The following NALF1 variants were observed in gnomAD, a reference collection of about 807,000 sequenced individuals.
NALF1 encodes the protein family with sequence similarity 155 member A.
A neutral mutation model predicts 48.4 loss-of-function variants in NALF1; 3 were observed. The ratio of observed to expected loss-of-function variants is 0.06; its 90% CI spans 0.03 to 0.16. The LOEUF is 0.16. Ranked by LOEUF, NALF1 falls within the 10% of genes least tolerant of loss-of-function variation. NALF1 has a pLI of 1.00. For synonymous variants in NALF1, 262 were observed against 245.7 expected (o/e 1.07, Z -0.62); for missense variants, 526 against 571.5 (o/e 0.92, Z 0.81).
chr13:107,517,984 A>G (rs1318676775), intron 1 of NALF1, among the ~76,000 whole-genome samples: 2 of 152,124 alleles, frequency 1.3e-5, no homozygotes, highest in African/African-American at 2.4e-5. Context: ...CGTAAGCTCA[A>G]AAACGTAGTT....
chr13:107,240,356 T>G (rs1473165846), intron 1 of NALF1, among the ~76,000 whole-genome samples: 1 of 152,190 alleles, frequency 6.6e-6, no homozygotes, highest in Non-Finnish European at 1.5e-5. Flanking sequence ...CAACCCAGTT[T>G]CTGGTAGATT....
chr13:107,766,821 C>T (rs1490034017), intron 1 of NALF1, among the ~76,000 whole-genome samples: 1 of 152,194 alleles, frequency 6.6e-6, no homozygotes, highest in Non-Finnish European at 1.5e-5. Context: ...TGGACTCCTA[C>T]TTCAGTCTTT....
intron 1 of NALF1, among the ~76,000 whole-genome samples, chr13:107,313,118 A>C (rs1474050690): frequency 6.6e-6 from 1 of 152,172 alleles, no homozygotes; most frequent in Admixed American, 6.6e-5. Context: ...AATCTCTAGA[A>C]AGCAACAAAG....
intron 1 of NALF1, among the ~76,000 whole-genome samples, chr13:107,242,301 T>C (rs115962476): frequency 0.029 from 4,480 of 152,238 alleles, 211 homozygotes; most frequent in African/African-American, 0.1. Flanking sequence ...AGTGCGGCCA[T>C]AGAAGCTGGG....
Position 107,785,815 on chromosome 13 carries a change from GAAT to G in NALF1, c.915+79864_915+79866del, listed in dbSNP as rs1316246543. 2.6e-5 allele frequency among the ~76,000 whole-genome samples: 4 copies of G among 152,190 alleles called. No individual in the cohort carries two copies. The East Asian group carries it at 5.8e-4, about 22-fold the overall frequency. On this transcript the variant is annotated intron_variant, in intron 1 of 2. Coordinates refer to ENST00000375915, the MANE Select transcript of NALF1 (RefSeq NM_001080396.3). The stretch of plus-strand genomic sequence containing the variant: ...TGGTTCTCAAACCTACAGAAACAAA[GAAT>G]AATTTTCTGTAATCCTGGTGAACGT...
In NALF1 at chr13:107,526,896, G is replaced by A. The variant is rs141189037; in HGVS notation, c.916-316141C>T. ...TCAGACATGAGACAGCTTGGAAAGC[G>A]TTTGTCTACTAATGACAGGATGAAA... is the stretch of plus-strand genomic sequence containing the variant. On this transcript the variant is annotated intron_variant, in intron 1 of 2. Transcript: ENST00000375915. 5.3e-3 allele frequency among the ~76,000 whole-genome samples: 807 copies of A among 152,240 alleles called. 7 individuals carry two copies. The highest frequency in any genetic ancestry group is 0.018 in the African/African-American group (756 of 41,542).
At chr13:107,712,952 T>C (rs1279812812) in intron 1 of NALF1, among the ~76,000 whole-genome samples, 1 of 152,204 alleles carries the variant, frequency 6.6e-6, no homozygotes, top group East Asian at 1.9e-4. Context: ...TTTCCACCTG[T>C]CTGGAGGTGG....
chr13:107,754,618 TG>T (rs1316165366), intron 1 of NALF1, among the ~76,000 whole-genome samples: 1 of 152,028 alleles, frequency 6.6e-6, no homozygotes, highest in Non-Finnish European at 1.5e-5. Flanking sequence ...TGTCAGCACA[TG>T]AGTTTAAAGA....
intron 1 of NALF1, among the ~76,000 whole-genome samples, chr13:107,687,004 T>C (rs1881447036): frequency 6.6e-6 from 1 of 152,230 alleles, no homozygotes; most frequent in African/African-American, 2.4e-5. Context: ...TGCAATCCTA[T>C]GTTTATTGCA....
chr13:107,315,289 T>C (rs1882124729), intron 1 of NALF1, among the ~76,000 whole-genome samples: 1 of 152,080 alleles, frequency 6.6e-6, no homozygotes, highest in African/African-American at 2.4e-5. Flanking sequence ...TTCACTCTTA[T>C]CCCTCTGAGC....
Position 107,403,722 on chromosome 13 carries a change from T to TAA in NALF1, c.916-192968_916-192967insTT, listed in dbSNP as rs140714156. On this transcript the variant is annotated intron_variant, in intron 1 of 2. Coordinates refer to ENST00000375915, the MANE Select transcript of NALF1 (RefSeq NM_001080396.3). ...AGAAGGCCTTCTTTTGCCACAAATT[T>TAA]TAAAAAAAAACTCACCTTTTTTAGA... 2.6e-3 allele frequency among the ~76,000 whole-genome samples: 384 copies of TAA among 150,578 alleles called. 2 individuals are homozygous for TAA. The highest frequency in any genetic ancestry group is 7.8e-3 in the African/African-American group (319 of 41,084).
Position 107,224,108 on chromosome 13 carries a change from C to A in NALF1, c.916-13353G>T, listed in dbSNP as rs377744141. Among the ~76,000 whole-genome samples the A allele has an allele frequency of 8.6e-5, 13 of 151,976 alleles. 1 individual carries two copies. The highest frequency in any genetic ancestry group is 1.3e-4 in the Non-Finnish European group (9 of 67,954). The stretch of plus-strand genomic sequence containing the variant: ...TGAAAACTATAATCAATGGAATTAA[C>A]AATCCTTAATAATAAAATTGGTGGT... On this transcript the variant is annotated intron_variant, in intron 1 of 2. Transcript: ENST00000375915.
At chr13:107,569,284 A>G (rs1877908917) in intron 1 of NALF1, among the ~76,000 whole-genome samples, 1 of 151,934 alleles carries the variant, frequency 6.6e-6, no homozygotes, top group South Asian at 2.1e-4. Context: ...CCTGGCCAAC[A>G]CGGTGAAACC....
intron 1 of NALF1, among the ~76,000 whole-genome samples, chr13:107,395,031 A>C (rs1361558794): frequency 6.6e-6 from 1 of 152,182 alleles, no homozygotes; most frequent in African/African-American, 2.4e-5. Flanking sequence ...AGATGCTAGG[A>C]GAGAGATGAC....
At chr13:107,772,566 T>G (rs896928810) in intron 1 of NALF1, among the ~76,000 whole-genome samples, 1 of 152,176 alleles carries the variant, frequency 6.6e-6, no homozygotes, top group Non-Finnish European at 1.5e-5. Flanking sequence ...AAAAAGTCCC[T>G]AATTAAGAAT....
chr13:107,281,935 T>C (rs549443974), intron 1 of NALF1, among the ~76,000 whole-genome samples: 2 of 152,286 alleles, frequency 1.3e-5, no homozygotes, highest in South Asian at 4.1e-4. Context: ...TTCAATTACA[T>C]CCACCTGGTC....
intron 1 of NALF1, among the ~76,000 whole-genome samples, chr13:107,583,223 A>C (rs1032262176): frequency 1.4e-4 from 21 of 152,030 alleles, no homozygotes; most frequent in African/African-American, 4.1e-4. Context: ...TGTTATATAA[A>C]TATATAATTT....
In NALF1 at chr13:107,587,654, A is replaced by T. The variant is rs181894051; in HGVS notation, c.915+278028T>A. On this transcript the variant is annotated intron_variant, in intron 1 of 2. Coordinates refer to ENST00000375915, the MANE Select transcript of NALF1 (RefSeq NM_001080396.3). ...GAAAAAGGGATTACCAGGTGATTTT[A>T]AAAAAAGTCAATAACATGGGCAGTC... Among the ~76,000 whole-genome samples the T allele has an allele frequency of 3.3e-3, 504 of 152,264 alleles. 2 individuals carry two copies. The highest frequency in any genetic ancestry group is 0.02 in the Middle Eastern group (6 of 294).
intron 1 of NALF1, among the ~76,000 whole-genome samples, chr13:107,213,679 G>A (rs948690823): frequency 6.6e-6 from 1 of 150,934 alleles, no homozygotes; most frequent in Non-Finnish European, 1.5e-5. Context: ...AAGAGGCAAA[G>A]CATACAGCAC....
Sources: gnomAD v4.1 joint callset for allele counts (sites outside exome capture counted in the v4.1 genomes callset) on GRCh38, gnomAD v4.1.1 for gene constraint, MANE v1.5 for transcripts, NCBI Gene and HGNC (gene_info 2026-07-23, HGNC 2026-07-21) for gene names.